The following SNX18 variants were observed in gnomAD, a reference collection of about 807,000 sequenced individuals.
The protein encoded by SNX18 is sorting nexin-18.
SNX18 carries 35 observed loss-of-function variants against 48.7 expected under a neutral mutation model. The observed-to-expected ratio is 0.72, with a 90% CI of 0.55 to 0.95. SNX18 has a LOEUF of 0.95. Among genes scored for constraint, SNX18 ranks in the 40% least tolerant of loss-of-function variants. The probability of loss-of-function intolerance (pLI) is 0.00; values close to 1 mark genes in which losing one functional copy is unlikely to be tolerated. For synonymous variants in SNX18, 492 were observed against 384.7 expected (o/e 1.28, Z -3.26); for missense variants, 824 against 871.0 (o/e 0.95, Z 0.68).
In SNX18 at chr5:54,543,675, C is replaced by G. The variant is rs1762514219; in HGVS notation, c.*243C>G. ...ATGTATGCCTACACTACCATTGTAACTTTTGGAATAATGATTATACTATTT... is the reference window on the plus strand; with the variant it reads ...ATGTATGCCTACACTACCATTGTAAGTTTTGGAATAATGATTATACTATTT... On this transcript the variant is annotated 3_prime_UTR_variant, in exon 2 of 2. Coordinates refer to ENST00000381410, the MANE Select transcript of SNX18 (RefSeq NM_001102575.2). 4.4e-6 allele frequency: 2 copies of G among 453,568 alleles called. No homozygotes were observed. Among genetic ancestry groups the G allele is most frequent in the Non-Finnish European group, 7.8e-6 (2 of 256,430 alleles). The allele number at this position is 453,568 out of a possible 1,614,324, so 28.1% of individuals were successfully genotyped here. A position where few individuals can be genotyped will look rare whatever the true frequency, so the allele number is the denominator to read the frequency against.
At chr5:54,591,429 A>G in the SNX18 span, among the ~76,000 whole-genome samples, 1 of 152,112 alleles carries the variant, frequency 6.6e-6, no homozygotes, top group African/African-American at 2.4e-5. Context: ...TGGCCCAAAC[A>G]ATCCTCCTGC....
chr5:54,519,372 C>T lies in SNX18; in HGVS notation c.1420C>T (p.Leu474Phe). 1 of 1,613,208 alleles carries T rather than the reference C, an allele frequency of 6.2e-7. No individual in the cohort carries two copies. Among genetic ancestry groups the T allele is most frequent in the South Asian group, 1.1e-5 (1 of 91,066 alleles). The part of the protein sequence containing the change: ...YQKVGQSFRG[L>F]SQAFELDQQA... The stretch of plus-strand genomic sequence containing the variant: ...GAAGGTGGGCCAGTCCTTCCGCGGC[C>T]TCAGCCAGGCCTTTGAGCTGGACCA... The change falls in exon 1 of 2, where the codon CTC becomes TTC. Residue 474 changes from leucine to phenylalanine, a missense_variant. Transcript: ENST00000381410.
intron 1 of SNX18, chr5:54,520,024 C>T (rs940066613): frequency 5.4e-6 from 3 of 551,316 alleles, no homozygotes; most frequent in Non-Finnish European, 9.8e-6. Context: ...CTGCTTTCAC[C>T]CTTCCACACC....
chr5:54,635,284 C>A, the SNX18 span, among the ~76,000 whole-genome samples: 1 of 151,414 alleles, frequency 6.6e-6, no homozygotes, highest in Non-Finnish European at 1.5e-5. Flanking sequence ...TATCGTTTTC[C>A]TTTCTTAGTC....
chr5:54,622,691 A>G, the SNX18 span, among the ~76,000 whole-genome samples: 1 of 150,928 alleles, frequency 6.6e-6, no homozygotes, highest in South Asian at 2.1e-4. Flanking sequence ...CCTGTTAGCT[A>G]AAAGCTTGGC....
chr5:54,645,001 C>G, the SNX18 span: 1 of 152,166 alleles, frequency 6.6e-6, no homozygotes, highest in East Asian at 1.9e-4. Flanking sequence ...CTTCCCAGGC[C>G]AAATGAGTGA....
At chr5:54,520,392 C>T (rs1331414590) in intron 1 of SNX18, 3 of 168,972 alleles carry the variant, frequency 1.8e-5, no homozygotes, top group African/African-American at 7.2e-5. Flanking sequence ...AGCAGTAGTG[C>T]TTGTCTTAAC....
intron 1 of SNX18, among the ~76,000 whole-genome samples, chr5:54,527,220 G>A (rs899713272): frequency 1.3e-5 from 2 of 152,178 alleles, no homozygotes; most frequent in African/African-American, 4.8e-5. Context: ...TTAGTCCAGA[G>A]CAATGAGAAT....
At chr5:54,590,796 C>T in the SNX18 span, among the ~76,000 whole-genome samples, 3 of 152,268 alleles carry the variant, frequency 2.0e-5, no homozygotes, top group South Asian at 2.1e-4. Context: ...GTGTGTAATC[C>T]GTTGCTTGCT....
the SNX18 span, among the ~76,000 whole-genome samples, chr5:54,555,751 C>T: frequency 3.3e-5 from 5 of 150,888 alleles, no homozygotes; most frequent in Non-Finnish European, 7.4e-5. Context: ...CAGTTGAACC[C>T]AGAAGGCGGA....
the SNX18 span, among the ~76,000 whole-genome samples, chr5:54,639,098 A>G: frequency 6.6e-6 from 1 of 152,238 alleles, no homozygotes; most frequent in African/African-American, 2.4e-5. Flanking sequence ...TTAGAAATAA[A>G]CATTTTAATG....
the SNX18 span, among the ~76,000 whole-genome samples, chr5:54,635,264 T>A: frequency 1.3e-5 from 2 of 151,558 alleles, no homozygotes; most frequent in South Asian, 4.1e-4. Flanking sequence ...ATTAATATTA[T>A]AATACTATAT....
the SNX18 span, among the ~76,000 whole-genome samples, chr5:54,587,337 T>C: frequency 3.9e-5 from 6 of 152,194 alleles, no homozygotes; most frequent in African/African-American, 1.4e-4. Context: ...CAAGTGGTTA[T>C]TTATATCCTA....
the SNX18 span, among the ~76,000 whole-genome samples, chr5:54,578,139 A>C: frequency 6.6e-6 from 1 of 152,198 alleles, no homozygotes; most frequent in Non-Finnish European, 1.5e-5. Flanking sequence ...AGCTCCATGA[A>C]CACAACTCTT....
chr5:54,622,307 T>C, the SNX18 span, among the ~76,000 whole-genome samples: 38 of 152,116 alleles, frequency 2.5e-4, no homozygotes, highest in African/African-American at 9.2e-4. Flanking sequence ...GAGACCAACC[T>C]GGGCAACAAG....
At chr5:54,552,823 G>A in the SNX18 span, among the ~76,000 whole-genome samples, 1 of 152,112 alleles carries the variant, frequency 6.6e-6, no homozygotes, top group African/African-American at 2.4e-5. Flanking sequence ...ATATGTAGAA[G>A]GTGGTAAGTG....
chr5:54,569,105 A>C, the SNX18 span, among the ~76,000 whole-genome samples: 1 of 151,856 alleles, frequency 6.6e-6, no homozygotes, highest in African/African-American at 2.4e-5. Context: ...AGCCTCCCAA[A>C]GTGCTGGGAT....
At chr5:54,603,370 T>C in the SNX18 span, among the ~76,000 whole-genome samples, 59 of 152,086 alleles carry the variant, frequency 3.9e-4, no homozygotes, top group African/African-American at 1.4e-3. Flanking sequence ...CTTCCCAAAG[T>C]ATTGGGACAC....
chr5:54,518,403 G>A lies in SNX18; in HGVS notation c.451G>A (p.Asp151Asn). Residue 151 changes from aspartate (D) to asparagine (N), a missense_variant, in exon 1 of 2, where the codon GAT (aspartate) becomes AAT (asparagine). Coordinates refer to ENST00000381410, the MANE Select transcript of SNX18 (RefSeq NM_001102575.2). ...CGGCTACCAGGCCAGCCAAGGCAGC[G>A]ATGATGACTGGGACGACGAGTGGGA... ...YGGYQASQGS[D>N]DDWDDEWDDS... 6.3e-7 allele frequency: 1 copy of A among 1,585,426 alleles called. No homozygotes were observed. The highest frequency in any genetic ancestry group is 2.3e-5 in the East Asian group (1 of 42,918).
Sources: allele counts gnomAD v4.1 joint callset (sites outside exome capture counted in the v4.1 genomes callset), GRCh38; gene constraint gnomAD v4.1.1; transcripts MANE v1.5; gene names NCBI Gene and HGNC (gene_info 2026-07-23, HGNC 2026-07-21).